Variants in GRID2 observed in about 807,000 individuals in gnomAD.
GRID2 encodes the protein glutamate ionotropic receptor delta type subunit 2.
GRID2 carries 33 observed loss-of-function variants against 114.8 expected under a neutral mutation model. The ratio of observed to expected loss-of-function variants is 0.29; its 90% CI spans 0.22 to 0.38. The LOEUF is 0.38. Ranked by LOEUF, GRID2 falls within the 10% of genes least tolerant of loss-of-function variation. GRID2 has a pLI of 1.00. For missense variants in GRID2, 1,184 were observed against 1,257.7 expected (o/e 0.94, Z 0.89); for synonymous variants, 505 against 449.9 (o/e 1.12, Z -1.55).
chr4:93,354,403 G>C (rs1761109719), intron 8 of GRID2, among the ~76,000 whole-genome samples: 1 of 151,962 alleles, frequency 6.6e-6, no homozygotes, highest in African/African-American at 2.4e-5. Flanking sequence ...TGACAGACTT[G>C]TCAAGCTACA....
At chr4:92,442,513 G>C (rs981434948) in intron 1 of GRID2, among the ~76,000 whole-genome samples, 1 of 152,056 alleles carries the variant, frequency 6.6e-6, no homozygotes. Flanking sequence ...AGATGTGGCT[G>C]GGGTTTGTCT....
At chr4:92,879,664 A>G (rs1338447974) in intron 2 of GRID2, among the ~76,000 whole-genome samples, 1 of 152,256 alleles carries the variant, frequency 6.6e-6, no homozygotes, top group Non-Finnish European at 1.5e-5. Context: ...TTTCAATTAT[A>G]TTTAAACCAA....
At chr4:93,681,798 T>TA (rs1359753919) in intron 14 of GRID2, among the ~76,000 whole-genome samples, 1 of 152,236 alleles carries the variant, frequency 6.6e-6, no homozygotes, top group Non-Finnish European at 1.5e-5. Flanking sequence ...ATTAAAGACT[T>TA]ACATGTTAGA....
At chr4:92,614,622 T>C (rs1729913838) in intron 2 of GRID2, among the ~76,000 whole-genome samples, 1 of 151,684 alleles carries the variant, frequency 6.6e-6, no homozygotes. Flanking sequence ...TACTCTATAG[T>C]CCAGTGTATT....
intron 1 of GRID2, among the ~76,000 whole-genome samples, chr4:92,352,785 AG>A (rs372455547): frequency 0.066 from 9,971 of 151,934 alleles, 393 homozygotes; most frequent in Middle Eastern, 0.14. Flanking sequence ...GTTGAGTAGC[AG>A]GTGTTCTTTG....
chr4:93,216,404 T>G (rs1201211795), intron 5 of GRID2, among the ~76,000 whole-genome samples: 1 of 152,132 alleles, frequency 6.6e-6, no homozygotes, highest in African/African-American at 2.4e-5. Flanking sequence ...CAACTTACTT[T>G]GTGACCTTTT....
chr4:92,798,010 T>G (rs1389713814), intron 2 of GRID2, among the ~76,000 whole-genome samples: 1 of 152,050 alleles, frequency 6.6e-6, no homozygotes. Flanking sequence ...TCCTTGAATT[T>G]ACTTTTTTAA....
At chr4:92,567,810 T>A (rs1727407596) in intron 1 of GRID2, among the ~76,000 whole-genome samples, 1 of 152,070 alleles carries the variant, frequency 6.6e-6, no homozygotes, top group African/African-American at 2.4e-5. Flanking sequence ...TATCTATCTA[T>A]TCAATGAATT....
chr4:93,608,295 T>C (rs28735212), intron 13 of GRID2, among the ~76,000 whole-genome samples: 1,148 of 61,232 alleles, frequency 0.019, 17 homozygotes, highest in African/African-American at 0.04. Flanking sequence ...TATTTTTTTT[T>C]CTTTTTTTTT....
chr4:93,725,179 T>C (rs1176212683), intron 14 of GRID2, among the ~76,000 whole-genome samples: 1 of 152,138 alleles, frequency 6.6e-6, no homozygotes, highest in Non-Finnish European at 1.5e-5. Flanking sequence ...TTCCCCTTCC[T>C]GTGTCCATGT....
intron 2 of GRID2, among the ~76,000 whole-genome samples, chr4:92,698,618 T>A (rs573751293): frequency 6.6e-6 from 1 of 151,706 alleles, no homozygotes; most frequent in Non-Finnish European, 1.5e-5. Context: ...ATTTCTGATA[T>A]AGAAGCTGAT....
At chr4:93,189,547 A>G (rs183997396) in intron 4 of GRID2, among the ~76,000 whole-genome samples, 16 of 152,286 alleles carry the variant, frequency 1.1e-4, no homozygotes, top group Admixed American at 8.5e-4. Context: ...GATCATAGCA[A>G]TAGCCATCTA....
chr4:92,943,874 G>T (rs1252506487), intron 2 of GRID2, among the ~76,000 whole-genome samples: 7 of 152,236 alleles, frequency 4.6e-5, no homozygotes, highest in African/African-American at 1.7e-4. Context: ...AGTATCAGCA[G>T]CGGAGGCTGC....
chr4:93,146,818 A>G (rs1032399290), intron 4 of GRID2, among the ~76,000 whole-genome samples: 14 of 152,144 alleles, frequency 9.2e-5, no homozygotes, highest in African/African-American at 2.4e-5. Flanking sequence ...ACATCATTCA[A>G]TATGTTTCAT....
intron 10 of GRID2, among the ~76,000 whole-genome samples, chr4:93,443,413 T>C (rs573559718): frequency 3.3e-5 from 5 of 151,952 alleles, no homozygotes; most frequent in African/African-American, 4.8e-5. Context: ...AAAGGACATA[T>C]GTGCTGAAAA....
intron 2 of GRID2, among the ~76,000 whole-genome samples, chr4:92,948,339 G>GAC (rs1398223785): frequency 6.6e-6 from 1 of 151,736 alleles, no homozygotes; most frequent in African/African-American, 2.4e-5. Context: ...TGGCTTTAGT[G>GAC]GGTATAATCT....
At chr4:93,732,768 A>G (rs571359026) in intron 14 of GRID2, among the ~76,000 whole-genome samples, 1 of 152,284 alleles carries the variant, frequency 6.6e-6, no homozygotes, top group Non-Finnish European at 1.5e-5. Context: ...GCTAATGGTC[A>G]CATTACAAAA....
chr4:92,441,134 G>A (rs77158283), intron 1 of GRID2, among the ~76,000 whole-genome samples: 21,269 of 151,938 alleles, frequency 0.14, 1,699 homozygotes, highest in Middle Eastern at 0.21. Flanking sequence ...TGGCTCTTGT[G>A]TAAGAATTCT....
rs370020673 is a variant in GRID2, at chr4:93,226,783, C to G, written c.1125+2008C>G. Among the ~76,000 whole-genome samples the G allele has an allele frequency of 1.6e-4, 24 of 152,328 alleles. No individual in the cohort carries two copies. The East Asian group carries it at 2.3e-3, about 15-fold the overall frequency. ...GTGGTTTGACCCTGGAGACAAGTCT[C>G]TGCCTGAGTCTTCATGCTCTTTGTG... On this transcript the variant is annotated intron_variant, in intron 7 of 15. Coordinates refer to ENST00000282020, the MANE Select transcript of GRID2 (RefSeq NM_001510.4).
Sources: allele counts gnomAD v4.1 joint callset (sites outside exome capture counted in the v4.1 genomes callset), GRCh38; gene constraint gnomAD v4.1.1; transcripts MANE v1.5; gene names NCBI Gene and HGNC (gene_info 2026-07-23, HGNC 2026-07-21).